The following XRCC6 variants were observed in gnomAD, a reference collection of about 807,000 sequenced individuals.
XRCC6 encodes the protein DNA repair protein Ku70.
Under a neutral mutation model 65.7 loss-of-function variants are expected in XRCC6, and 5 were observed. The observed-to-expected ratio is 0.08, with a 90% CI of 0.04 to 0.16. The LOEUF is 0.16. Among genes scored for constraint, XRCC6 ranks in the 10% least tolerant of loss-of-function variants. XRCC6 has a pLI of 1.00. For synonymous variants in XRCC6, 270 were observed against 270.6 expected, an observed-to-expected ratio of 1.00 and a Z score of 0.02; for missense variants, 447 against 738.1, an observed-to-expected ratio of 0.61 and a Z score of 4.57.
At chr22:41,643,138 G>A (rs2067895592) in intron 6 of XRCC6, among the ~76,000 whole-genome samples, 1 of 152,226 alleles carries the variant, frequency 6.6e-6, no homozygotes, top group Non-Finnish European at 1.5e-5. Context: ...CTGGCCGGGT[G>A]CGGTGGCTCA....
chr22:41,651,941 G>A (rs1271632889), intron 8 of XRCC6, among the ~76,000 whole-genome samples: 3 of 151,810 alleles, frequency 2.0e-5, no homozygotes, highest in African/African-American at 7.3e-5. Context: ...ACGCCACCAC[G>A]CCCGGCTAAA....
intron 10 of XRCC6, 110 bp from the exon 11 acceptor site, chr22:41,658,142 G>A (rs1303804809): frequency 1.9e-6 from 2 of 1,036,100 alleles, no homozygotes; most frequent in East Asian, 5.1e-5. Context: ...TTTACTTGGG[G>A]TGTTTTTCTC....
intron 3 of XRCC6, among the ~76,000 whole-genome samples, chr22:41,631,884 C>G (rs530185033): frequency 1.3e-4 from 20 of 152,230 alleles, no homozygotes; most frequent in South Asian, 8.3e-4. Flanking sequence ...CCGGCACCTC[C>G]GGAGGCCGAG....
In XRCC6 at chr22:41,661,326, T is replaced by C. The variant is rs777310749; in HGVS notation, c.1523-5T>C. 2.4e-5 allele frequency: 38 copies of C among 1,611,498 alleles called. No individual in the cohort carries two copies. Among genetic ancestry groups the C allele is most frequent in the Middle Eastern group, 3.5e-4 (2 of 5,748 alleles). On this transcript the variant is annotated splice_region_variant and splice_polypyrimidine_tract_variant and intron_variant, in intron 11 of 12. Transcript: ENST00000360079. ...AGGCCACTCTTCTGTGTTTTGATTT[T>C]CTAGTGCCCAAGGTTGAAGCAATGA... is the stretch of plus-strand genomic sequence containing the variant.
intron 9 of XRCC6, among the ~76,000 whole-genome samples, chr22:41,655,029 G>A (rs1300172677): frequency 2.6e-5 from 4 of 152,196 alleles, no homozygotes; most frequent in African/African-American, 4.8e-5. Flanking sequence ...CACTGTAAAT[G>A]CTACCCACCA....
chr22:41,661,312 C>T lies in XRCC6; in HGVS notation c.1523-19C>T, dbSNP rs752423564. On this transcript the variant is annotated intron_variant, in intron 11 of 12. Coordinates refer to ENST00000360079, the MANE Select transcript of XRCC6 (RefSeq NM_001469.5). ...GCTCGTGACTCACCAGGCCACTCTT[C>T]TGTGTTTTGATTTTCTAGTGCCCAA... 5.2e-5 allele frequency: 83 copies of T among 1,608,546 alleles called. No homozygotes were observed. The Middle Eastern group carries it at 1.7e-3, about 32-fold the overall frequency.
chr22:41,650,899 G>A lies in XRCC6; in HGVS notation c.1129+8G>A. The A allele has an allele frequency of 6.2e-7, 1 of 1,614,020 alleles. No individual in the cohort carries two copies. The highest frequency in any genetic ancestry group is 8.5e-7 in the Non-Finnish European group (1 of 1,179,926). On this transcript the variant is annotated splice_region_variant and intron_variant, in intron 8 of 12. Transcript: ENST00000360079. Reference sequence around the variant, plus strand: ...AGGAGTCGCTGGTGATTGGTAAGTAGCGTGGACCATGGATGAGTGACTCTA... The same window carrying A: ...AGGAGTCGCTGGTGATTGGTAAGTAACGTGGACCATGGATGAGTGACTCTA...
chr22:41,642,096 C>T (rs1166123615), intron 6 of XRCC6, among the ~76,000 whole-genome samples: 1 of 152,150 alleles, frequency 6.6e-6, no homozygotes, highest in Non-Finnish European at 1.5e-5. Flanking sequence ...TTTCTTTATC[C>T]ATTCTTCTTT....
chr22:41,622,122 T>G (rs1446290333), intron 2 of XRCC6, 36 bp downstream of exon 2: 2 of 1,609,698 alleles, frequency 1.2e-6, no homozygotes, highest in Non-Finnish European at 1.7e-6. Context: ...ATTCGGTGTG[T>G]GGAAGAAAGA....
intron 12 of XRCC6, among the ~76,000 whole-genome samples, chr22:41,662,525 C>G (rs1454448894): frequency 1.3e-5 from 2 of 152,144 alleles, no homozygotes; most frequent in Non-Finnish European, 2.9e-5. Context: ...CCACACTTAC[C>G]TATCTCATTT....
intron 2 of XRCC6, among the ~76,000 whole-genome samples, chr22:41,625,768 G>A (rs906504477): frequency 1.6e-4 from 24 of 152,196 alleles, no homozygotes; most frequent in Admixed American, 1.4e-3. Context: ...GTTCAAGGCT[G>A]CAGTGAGCTA....
At chr22:41,627,683 G>C (rs1009261834) in intron 2 of XRCC6, among the ~76,000 whole-genome samples, 4 of 151,792 alleles carry the variant, frequency 2.6e-5, no homozygotes, top group Non-Finnish European at 5.9e-5. Context: ...GATCAGCCTG[G>C]GCAGTGTAGC....
At chr22:41,638,196 A>T (rs146365684) in intron 6 of XRCC6, among the ~76,000 whole-genome samples, 2 of 152,256 alleles carry the variant, frequency 1.3e-5, no homozygotes, top group African/African-American at 4.8e-5. Flanking sequence ...TCGTGGGGGT[A>T]GACAGTTATG....
intron 2 of XRCC6, among the ~76,000 whole-genome samples, chr22:41,623,896 T>C (rs1036416832): frequency 6.6e-6 from 1 of 152,060 alleles, no homozygotes. Context: ...CTAATTTTTG[T>C]ATTTTTAGTA....
intron 7 of XRCC6, among the ~76,000 whole-genome samples, chr22:41,648,442 G>C (rs760073061): frequency 6.6e-6 from 1 of 152,126 alleles, no homozygotes; most frequent in Non-Finnish European, 1.5e-5. Flanking sequence ...AGTATGAAGT[G>C]TGAAGTGAAC....
At chr22:41,625,703 G>A (rs1257546596) in intron 2 of XRCC6, among the ~76,000 whole-genome samples, 3 of 152,278 alleles carry the variant, frequency 2.0e-5, no homozygotes, top group South Asian at 4.1e-4. Flanking sequence ...GGTGGCTCAT[G>A]CCTGTAATCC....
chr22:41,630,214 C>T (rs1281499904), intron 3 of XRCC6, among the ~76,000 whole-genome samples: 1 of 151,122 alleles, frequency 6.6e-6, no homozygotes, highest in Non-Finnish European at 1.5e-5. Flanking sequence ...GGACCCCTGA[C>T]CTCGTGATCT....
At chr22:41,641,591 C>T (rs1460946180) in intron 6 of XRCC6, among the ~76,000 whole-genome samples, 2 of 152,202 alleles carry the variant, frequency 1.3e-5, no homozygotes, top group African/African-American at 4.8e-5. Flanking sequence ...ACCATCCCCA[C>T]TGCCCCATCA....
At chr22:41,626,901 A>G (rs930049255) in intron 2 of XRCC6, among the ~76,000 whole-genome samples, 6 of 151,908 alleles carry the variant, frequency 3.9e-5, no homozygotes, top group African/African-American at 1.2e-4. Context: ...CGGCCTCCCA[A>G]AGTGCTGGGA....
Sources: gnomAD v4.1 joint callset for allele counts (sites outside exome capture counted in the v4.1 genomes callset) on GRCh38, gnomAD v4.1.1 for gene constraint, MANE v1.5 for transcripts, NCBI Gene and HGNC (gene_info 2026-07-23, HGNC 2026-07-21) for gene names.